GLT1D1: variants seen among roughly 807,000 people sequenced by gnomAD.
GLT1D1 encodes glycosyltransferase 1 domain-containing protein 1.
In GLT1D1, 21 loss-of-function variants were observed where a neutral mutation model predicts 28.7. That is an observed-to-expected ratio of 0.73 (90% CI 0.52 to 1.05). GLT1D1 has a LOEUF of 1.05. GLT1D1 is among the 50% of genes least tolerant of loss of function. The pLI is 0.00. For synonymous variants in GLT1D1, 147 were observed against 124.8 expected (o/e 1.18, Z -1.19); for missense variants, 343 against 330.6 (o/e 1.04, Z -0.29).
At chr12:128,975,218 C>T (rs886974387) in intron 7 of GLT1D1, among the ~76,000 whole-genome samples, 16 of 152,214 alleles carry the variant, frequency 1.1e-4, no homozygotes, top group East Asian at 9.7e-4. Context: ...CTGGCAGATT[C>T]ACTGGGGGTC....
intron 4 of GLT1D1, chr12:128,944,966 G>T (rs1445277136): frequency 1.4e-5 from 8 of 552,082 alleles, no homozygotes; most frequent in South Asian, 9.1e-5. Context: ...CCCCCAACAG[G>T]CCCCGGTGTG....
At chr12:128,892,502 G>T (rs1429072731) in intron 3 of GLT1D1, among the ~76,000 whole-genome samples, 1 of 152,136 alleles carries the variant, frequency 6.6e-6, no homozygotes, top group Admixed American at 6.5e-5. Context: ...AACATTGAAT[G>T]AATCCATCTT....
At chr12:128,979,947 T>C (rs1392602595) in intron 7 of GLT1D1, among the ~76,000 whole-genome samples, 1 of 152,220 alleles carries the variant, frequency 6.6e-6, no homozygotes, top group Non-Finnish European at 1.5e-5. Context: ...AGAGTAAAAA[T>C]AGAACGGTTG....
intron 2 of GLT1D1, among the ~76,000 whole-genome samples, chr12:128,884,821 A>G (rs1053846877): frequency 1.8e-4 from 27 of 152,094 alleles, no homozygotes; most frequent in African/African-American, 5.8e-4. Flanking sequence ...CTCAAAAAAT[A>G]GAAAAAAAAA....
intron 2 of GLT1D1, among the ~76,000 whole-genome samples, chr12:128,881,561 A>AAAAATATATATATAT (rs1555262848): frequency 3.0e-5 from 1 of 33,720 alleles, no homozygotes; most frequent in Non-Finnish European, 5.2e-5. Flanking sequence ...AAAAAAAAAA[A>AAAAATATATATATAT]ATATATATAT....
At chr12:128,866,069 T>C (rs1956507433) in intron 1 of GLT1D1, among the ~76,000 whole-genome samples, 1 of 128,500 alleles carries the variant, frequency 7.8e-6, no homozygotes. Context: ...GATTGTACCT[T>C]TTTTTTTTTT....
chr12:128,921,727 G>A (rs112727692), intron 4 of GLT1D1, among the ~76,000 whole-genome samples: 15 of 151,996 alleles, frequency 9.9e-5, no homozygotes, highest in Non-Finnish European at 1.3e-4. Flanking sequence ...TCAGAGCCTC[G>A]AGTTCTCAGT....
In GLT1D1 at chr12:128,853,610, G is replaced by T; in HGVS notation, c.29G>T (p.Arg10Leu). Reference sequence around the variant, plus strand: ...CGGCTCCTGTTCCTGGCGGTGCTGCGGCCACACACCGGCAACGCGGTCACG... The same window carrying T: ...CGGCTCCTGTTCCTGGCGGTGCTGCTGCCACACACCGGCAACGCGGTCACG... Residue 10 changes from arginine to leucine, a missense_variant, in exon 1 of 8, where the codon CGG becomes CTG. Physicochemically the swap from Arg to Leu is moderately radical, Grantham distance 102 (BLOSUM62 -2). Coordinates refer to ENST00000281703, the MANE Select transcript of GLT1D1 (RefSeq NM_144669.3). 8.5e-7 allele frequency: 1 copy of T among 1,178,258 alleles called. No homozygotes were observed. Among genetic ancestry groups the T allele is most frequent in the Non-Finnish European group, 1.1e-6 (1 of 941,608 alleles). The allele number at this position is 1,178,258 out of a possible 1,614,324, so 73.0% of individuals were successfully genotyped here.
Position 128,873,911 on chromosome 12 carries a change from CTCTCTTTCTTTTTCTT to C in GLT1D1, c.69-1999_69-1984del, listed in dbSNP as rs1956764324. Among the ~76,000 whole-genome samples the C allele has an allele frequency of 8.4e-5, 10 of 119,428 alleles. No homozygotes were observed. The South Asian group carries it at 3.5e-3, about 41-fold the overall frequency. 78.3% of individuals were successfully genotyped at this position (119,428 alleles called of 152,430 possible). A position where few individuals can be genotyped will look rare whatever the true frequency, so the allele number is the denominator to read the frequency against. ...TCTCTTGCTCCCTTTCTCTTTCTTT[CTCTCTTTCTTTTTCTT>C]TCTTTCTTTTTCTTTCTTTCTTTCC... On this transcript the variant is annotated intron_variant, in intron 1 of 7. Coordinates refer to ENST00000281703, the MANE Select transcript of GLT1D1 (RefSeq NM_144669.3).
At chr12:128,866,942 C>T (rs772964913) in intron 1 of GLT1D1, among the ~76,000 whole-genome samples, 5 of 152,016 alleles carry the variant, frequency 3.3e-5, no homozygotes, top group East Asian at 2.0e-4. Context: ...CCTTCTTTAG[C>T]GGGAACTCCC....
chr12:128,893,276 G>A (rs7975525), intron 3 of GLT1D1, among the ~76,000 whole-genome samples: 5,309 of 151,994 alleles, frequency 0.035, 134 homozygotes, highest in Middle Eastern at 0.058. Flanking sequence ...AAAAATTATC[G>A]TCAAGCAAAT....
At chr12:128,928,015 A>C (rs1030806245) in intron 4 of GLT1D1, among the ~76,000 whole-genome samples, 61 of 143,114 alleles carry the variant, frequency 4.3e-4, no homozygotes, top group Non-Finnish European at 6.0e-4. Context: ...AAAAAAAAAA[A>C]AAAAAAAAAA....
intron 3 of GLT1D1, among the ~76,000 whole-genome samples, chr12:128,890,259 C>T (rs1366634079): frequency 1.3e-5 from 2 of 152,198 alleles, no homozygotes; most frequent in African/African-American, 4.8e-5. Flanking sequence ...CTGCGCAGCT[C>T]ATCAGAACAC....
At chr12:128,923,662 C>T (rs541942662) in intron 4 of GLT1D1, among the ~76,000 whole-genome samples, 121 of 152,182 alleles carry the variant, frequency 8.0e-4, no homozygotes, top group African/African-American at 2.8e-3. Context: ...GCTGGGATTA[C>T]AAGTGCCTGC....
intron 7 of GLT1D1, among the ~76,000 whole-genome samples, chr12:128,965,892 C>CAAAAATAAAGA (rs150836997): frequency 0.21 from 31,710 of 151,494 alleles, 4,069 homozygotes; most frequent in Non-Finnish European, 0.3. Context: ...GACCCTGTCT[C>CAAAAATAAAGA]AAAAATAAAG....
chr12:128,884,576 A>G (rs573641669), intron 2 of GLT1D1, among the ~76,000 whole-genome samples: 1 of 152,314 alleles, frequency 6.6e-6, no homozygotes, highest in South Asian at 2.1e-4. Flanking sequence ...GCACTTTGGA[A>G]GGCTGAGGCG....
chr12:128,935,983 C>A (rs188436995), intron 4 of GLT1D1, among the ~76,000 whole-genome samples: 6 of 151,938 alleles, frequency 3.9e-5, no homozygotes, highest in African/African-American at 1.2e-4. Flanking sequence ...TACCTGGGTG[C>A]GCAGGACTTA....
At chr12:128,966,319 C>G (rs1593200225) in intron 7 of GLT1D1, among the ~76,000 whole-genome samples, 1 of 152,246 alleles carries the variant, frequency 6.6e-6, no homozygotes, top group East Asian at 1.9e-4. Flanking sequence ...CAAACTTTTT[C>G]TGATGGCCAC....
At chr12:128,865,088 G>A (rs780678768) in intron 1 of GLT1D1, among the ~76,000 whole-genome samples, 1 of 152,134 alleles carries the variant, frequency 6.6e-6, no homozygotes, top group Non-Finnish European at 1.5e-5. Context: ...GAAATGCTCA[G>A]CCAGATTGCA....
Sources: gnomAD v4.1 joint callset for allele counts (sites outside exome capture counted in the v4.1 genomes callset) on GRCh38, gnomAD v4.1.1 for gene constraint, MANE v1.5 for transcripts, NCBI Gene and HGNC (gene_info 2026-07-23, HGNC 2026-07-21) for gene names.